GALNT14: variants seen among roughly 807,000 people sequenced by gnomAD.
GALNT14 encodes UDP-GalNAc:polypeptide N-acetylgalactosaminyltransferase 14.
A neutral mutation model predicts 77.5 loss-of-function variants in GALNT14; 60 were observed. That is an observed-to-expected ratio of 0.77 (90% CI 0.63 to 0.96). GALNT14 has a LOEUF of 0.96. GALNT14 is among the 40% of genes least tolerant of loss of function. The pLI is 0.00. For missense variants in GALNT14, 710 were observed against 731.0 expected (o/e 0.97, Z 0.33); for synonymous variants, 280 against 281.7 (o/e 0.99, Z 0.06).
intron 1 of GALNT14, among the ~76,000 whole-genome samples, chr2:31,063,625 C>T (rs1479938759): frequency 6.6e-6 from 1 of 152,170 alleles, no homozygotes; most frequent in Non-Finnish European, 1.5e-5. Context: ...ATGGGAATTG[C>T]ATTGAATCTA....
chr2:31,135,666 C>T (rs964014648), intron 1 of GALNT14, among the ~76,000 whole-genome samples: 6 of 152,196 alleles, frequency 3.9e-5, no homozygotes, highest in Non-Finnish European at 8.8e-5. Context: ...TAGAAAACCT[C>T]CTCTTTTGTG....
chr2:31,120,343 G>A lies in GALNT14; in HGVS notation c.129+17615C>T, dbSNP rs116446212. 4.6e-3 allele frequency among the ~76,000 whole-genome samples: 705 copies of A among 152,260 alleles called. 2 individuals are homozygous for A. The highest frequency in any genetic ancestry group is 7.2e-3 in the Non-Finnish European group (489 of 68,026). On this transcript the variant is annotated intron_variant, in intron 1 of 14. Coordinates refer to ENST00000349752, the MANE Select transcript of GALNT14 (RefSeq NM_024572.4). ...TTACAAACTGGTTACACAATGCAGA[G>A]AGAAAGCTATTGAAGTTCACATATC...
intron 2 of GALNT14, among the ~76,000 whole-genome samples, chr2:30,986,671 A>C (rs1372817212): frequency 1.3e-5 from 2 of 152,238 alleles, no homozygotes; most frequent in Non-Finnish European, 2.9e-5. Flanking sequence ...TAACATATGA[A>C]CAGCAGAACT....
At chr2:31,131,179 A>G (rs558002362) in intron 1 of GALNT14, among the ~76,000 whole-genome samples, 2 of 152,292 alleles carry the variant, frequency 1.3e-5, no homozygotes, top group East Asian at 3.9e-4. Flanking sequence ...AAACTCGGGG[A>G]GTAAAACACA....
intron 1 of GALNT14, among the ~76,000 whole-genome samples, chr2:31,084,727 A>G (rs1315262706): frequency 1.3e-5 from 2 of 152,188 alleles, no homozygotes; most frequent in Non-Finnish European, 2.9e-5. Flanking sequence ...TGTGAAGATT[A>G]AAGGTAAAGT....
chr2:30,988,501 C>T (rs1390774117), intron 2 of GALNT14, among the ~76,000 whole-genome samples: 1 of 152,124 alleles, frequency 6.6e-6, no homozygotes, highest in East Asian at 1.9e-4. Flanking sequence ...CAAGAAGGAA[C>T]CAGAGAGGCC....
chr2:31,134,800 G>C (rs554562841), intron 1 of GALNT14, among the ~76,000 whole-genome samples: 108 of 152,302 alleles, frequency 7.1e-4, no homozygotes, highest in African/African-American at 2.5e-3. Context: ...TGGGTTTAAC[G>C]GCATGGAAAA....
intron 1 of GALNT14, among the ~76,000 whole-genome samples, chr2:31,072,332 C>T (rs1006169261): frequency 2.0e-5 from 3 of 149,672 alleles, no homozygotes; most frequent in African/African-American, 5.0e-5. Context: ...CGCATGCGGA[C>T]GTGCAGAGAT....
At chr2:31,074,134 C>A (rs773897283) in intron 1 of GALNT14, among the ~76,000 whole-genome samples, 4 of 152,104 alleles carry the variant, frequency 2.6e-5, no homozygotes, top group Non-Finnish European at 5.9e-5. Flanking sequence ...CTACAGCTCA[C>A]TGCCCAGGAG....
intron 6 of GALNT14, among the ~76,000 whole-genome samples, chr2:30,951,440 G>T (rs562015121): frequency 1.3e-5 from 2 of 152,242 alleles, no homozygotes; most frequent in East Asian, 1.9e-4. Flanking sequence ...GAGAAGAGGA[G>T]AATGAGGAGT....
chr2:30,925,747 C>T (rs1180305514), intron 11 of GALNT14, among the ~76,000 whole-genome samples: 1 of 152,172 alleles, frequency 6.6e-6, no homozygotes, highest in Non-Finnish European at 1.5e-5. Context: ...GGAGTTTGGA[C>T]TTGTTTAAAG....
At chr2:31,064,807 G>A (rs760357794) in intron 1 of GALNT14, among the ~76,000 whole-genome samples, 1 of 151,944 alleles carries the variant, frequency 6.6e-6, no homozygotes, top group Non-Finnish European at 1.5e-5. Context: ...AAGGGGACTG[G>A]GGAAGAAGGA....
At chr2:31,035,121 G>A (rs1672637588) in intron 1 of GALNT14, among the ~76,000 whole-genome samples, 3 of 152,182 alleles carry the variant, frequency 2.0e-5, no homozygotes, top group Non-Finnish European at 4.4e-5. Context: ...AGTTTGCGGT[G>A]TTGTTCAAGT....
intron 1 of GALNT14, among the ~76,000 whole-genome samples, chr2:31,088,874 CG>C (rs1328761585): frequency 1.3e-5 from 2 of 152,052 alleles, no homozygotes; most frequent in Non-Finnish European, 2.9e-5. Flanking sequence ...TGAAGATTAG[CG>C]GAGGGGCTGG....
At chr2:31,056,794 T>C (rs1036899620) in intron 1 of GALNT14, among the ~76,000 whole-genome samples, 1 of 152,212 alleles carries the variant, frequency 6.6e-6, no homozygotes, top group Non-Finnish European at 1.5e-5. Context: ...GTCTAACTGC[T>C]GCAGTTTCAA....
chr2:30,934,917 T>C lies in GALNT14; in HGVS notation c.932-2723A>G, dbSNP rs537750896. Among the ~76,000 whole-genome samples, 43 of 152,306 alleles carry C rather than the reference T, an allele frequency of 2.8e-4. No homozygotes were observed. In the East Asian group the frequency reaches 5.2e-3, roughly 18 times the overall value. ...ATCTATTGAGATGGACGGGACATTATCACACCCAAGACATCTCCTATGCCC... is the reference window on the plus strand; with the variant it reads ...ATCTATTGAGATGGACGGGACATTACCACACCCAAGACATCTCCTATGCCC... On this transcript the variant is annotated intron_variant, in intron 9 of 14. Coordinates refer to ENST00000349752, the MANE Select transcript of GALNT14 (RefSeq NM_024572.4).
At position 31,075,430 on chromosome 2, in the gene GALNT14, C is replaced by T. The variant is rs541811012; in HGVS notation, c.129+62528G>A. On this transcript the variant is annotated intron_variant, in intron 1 of 14. Coordinates refer to ENST00000349752, the MANE Select transcript of GALNT14 (RefSeq NM_024572.4). Reference sequence around the variant, plus strand: ...GCCTCCACCCACCTAGAAGCTGCTCCTAAAAGGTTTGTTGATTGATCTGGA... The same window carrying T: ...GCCTCCACCCACCTAGAAGCTGCTCTTAAAAGGTTTGTTGATTGATCTGGA... Among the ~76,000 whole-genome samples, 20 of 152,318 alleles carry T rather than the reference C, an allele frequency of 1.3e-4. No homozygotes were observed. The South Asian group carries it at 3.9e-3, about 30-fold the overall frequency.
chr2:30,943,286 A>G (rs1224211511), intron 8 of GALNT14, among the ~76,000 whole-genome samples: 5 of 152,200 alleles, frequency 3.3e-5, no homozygotes, highest in East Asian at 1.9e-4. Context: ...AAAAGGGGCT[A>G]CCAAGGAAGG....
chr2:30,950,386 C>T (rs1169536443), intron 6 of GALNT14, among the ~76,000 whole-genome samples: 1 of 152,150 alleles, frequency 6.6e-6, no homozygotes, highest in Admixed American at 6.5e-5. Flanking sequence ...CAGCTGAGGA[C>T]AGCGGATGAC....
Sources: gnomAD v4.1 joint callset for allele counts (sites outside exome capture counted in the v4.1 genomes callset) on GRCh38, gnomAD v4.1.1 for gene constraint, MANE v1.5 for transcripts, NCBI Gene and HGNC (gene_info 2026-07-23, HGNC 2026-07-21) for gene names.